SETDB1: variants seen among roughly 807,000 people sequenced by gnomAD.
SETDB1 encodes the protein histone-lysine N-methyltransferase SETDB1.
Under a neutral mutation model 137.4 loss-of-function variants are expected in SETDB1, and 31 were observed. That is an observed-to-expected ratio of 0.23 (90% CI 0.17 to 0.30). The LOEUF is 0.30. Ranked by LOEUF, SETDB1 falls within the 10% of genes least tolerant of loss-of-function variation. SETDB1 has a pLI of 1.00. For synonymous variants in SETDB1, 548 were observed against 579.9 expected (o/e 0.95, Z 0.79); for missense variants, 1,113 against 1,631.5 (o/e 0.68, Z 5.47).
intron 3 of SETDB1, among the ~76,000 whole-genome samples, chr1:150,937,078 T>C (rs943800418): frequency 6.6e-6 from 1 of 151,780 alleles, no homozygotes; most frequent in Non-Finnish European, 1.5e-5. Flanking sequence ...TGAGCCAAGA[T>C]TGGGCCACCG....
At chr1:150,946,078 G>C (rs2102703547) in intron 9 of SETDB1, among the ~76,000 whole-genome samples, 1 of 152,200 alleles carries the variant, frequency 6.6e-6, no homozygotes. Flanking sequence ...GGAGTGCAGT[G>C]GTGCAATCAC....
Position 150,931,451 on chromosome 1 carries a change from G to A in SETDB1, c.412+1333G>A, listed in dbSNP as rs12086681. ...ATACAAAAAATTAGCTGGGCGTGGC[G>A]GCGGACGCCTGTAGTCCCAGCTACT... On this transcript the variant is annotated intron_variant, in intron 3 of 21. Transcript: ENST00000692827. Among the ~76,000 whole-genome samples the A allele has an allele frequency of 6.2e-4, 93 of 150,970 alleles. 1 individual carries two copies. Among genetic ancestry groups the A allele is most frequent in the African/African-American group, 2.1e-3 (85 of 41,294 alleles).
chr1:150,952,838 G>A (rs750919418), intron 14 of SETDB1, among the ~76,000 whole-genome samples: 38 of 152,160 alleles, frequency 2.5e-4, no homozygotes, highest in Non-Finnish European at 5.0e-4. Context: ...GGTGAGCTAA[G>A]ATCGCACCAT....
At chr1:150,939,457 T>C (rs775504822) in intron 3 of SETDB1, among the ~76,000 whole-genome samples, 1 of 152,082 alleles carries the variant, frequency 6.6e-6, no homozygotes, top group Non-Finnish European at 1.5e-5. Context: ...CCCAAGTAGC[T>C]GGGATTACAG....
chr1:150,943,312 A>G (rs1462110385), intron 7 of SETDB1, among the ~76,000 whole-genome samples: 1 of 152,200 alleles, frequency 6.6e-6, no homozygotes, highest in Non-Finnish European at 1.5e-5. Flanking sequence ...GGGGAATACA[A>G]TTCACACAGA....
chr1:150,933,317 C>T (rs771974473), intron 3 of SETDB1, among the ~76,000 whole-genome samples: 1 of 151,540 alleles, frequency 6.6e-6, no homozygotes, highest in African/African-American at 2.4e-5. Flanking sequence ...GCCTTGGCCT[C>T]CCAAGGTGCT....
At position 150,946,986 on chromosome 1, in the gene SETDB1, G is replaced by A; in HGVS notation, c.1241G>A (p.Gly414Glu). Reference protein sequence around the residue: ...SSASALEKKQGQLRTRPNMGA... With the variant: ...SSASALEKKQEQLRTRPNMGA... The stretch of plus-strand genomic sequence containing the variant: ...GCCTCTGCACTGGAGAAGAAGCAAG[G>A]ACAGCTCAGGACACGTCCAAATATG... Residue 414 changes from glycine to glutamate, a missense_variant, in exon 10 of 22, where the codon GGA (glycine) becomes GAA (glutamate). Gly to Glu is a moderately conservative substitution (Grantham distance 98, BLOSUM62 -2). This residue lies in a region of SETDB1 where 154 missense variants were observed against 303.1 expected (regional missense o/e 0.51). Transcript: ENST00000692827. 1.2e-6 allele frequency: 2 copies of A among 1,614,112 alleles called. No homozygotes were observed. The highest frequency in any genetic ancestry group is 8.5e-7 in the Non-Finnish European group (1 of 1,179,990).
At chr1:150,931,726 C>CAA (rs10691133) in intron 3 of SETDB1, among the ~76,000 whole-genome samples, 21,895 of 72,284 alleles carry the variant, frequency 0.3, 2,954 homozygotes, top group South Asian at 0.44. Flanking sequence ...CTGTCTCACC[C>CAA]AAAAAAAAAA....
chr1:150,951,185 C>T (rs1571650644), intron 13 of SETDB1, 95 bp downstream of exon 13: 2 of 1,374,534 alleles, frequency 1.5e-6, no homozygotes, highest in East Asian at 4.6e-5. Flanking sequence ...CTGCTTTCCC[C>T]ATCTTCCTTT....
At position 150,935,430 on chromosome 1, in the gene SETDB1, T is replaced by G. The variant is rs1669915748; in HGVS notation, c.413-4510T>G. Among the ~76,000 whole-genome samples the G allele has an allele frequency of 2.6e-5, 4 of 152,134 alleles. No homozygotes were observed. In the South Asian group the frequency reaches 8.3e-4, roughly 31 times the overall value. On this transcript the variant is annotated intron_variant, in intron 3 of 21. Coordinates refer to ENST00000692827, the MANE Select transcript of SETDB1 (RefSeq NM_001366418.1). ...TCATCTGTTATTTCTTCATGGTTTT[T>G]TTTTTCTGTTCCCTTTTGTCTCTCC...
intron 14 of SETDB1, among the ~76,000 whole-genome samples, chr1:150,957,290 C>G (rs1258296118): frequency 6.6e-6 from 1 of 152,102 alleles, no homozygotes; most frequent in Admixed American, 6.6e-5. Flanking sequence ...ATCGCTTGAA[C>G]CCAGGAAGCG....
In SETDB1 at chr1:150,943,978, C is replaced by T. The variant is rs1195596229; in HGVS notation, c.934C>T (p.Pro312Ser). ...CTATGTCACACAGTCGGAACTGTATCCCATTTGCCGGCCACGTGAGTGTTT... is the reference window on the plus strand; with the variant it reads ...CTATGTCACACAGTCGGAACTGTATTCCATTTGCCGGCCACGTGAGTGTTT... Reference protein sequence around the residue: ...ASYVTQSELYPICRPLKKTWE... With the variant: ...ASYVTQSELYSICRPLKKTWE... The change falls in exon 8 of 22, where the codon CCC (proline) becomes TCC (serine). Residue 312 changes from proline (P) to serine (S), a missense_variant. Physicochemically the swap from Pro to Ser is moderately conservative, Grantham distance 74 (BLOSUM62 -1). Transcript: ENST00000692827. 1.9e-6 allele frequency: 3 copies of T among 1,612,076 alleles called. No homozygotes were observed. Among genetic ancestry groups the T allele is most frequent in the Non-Finnish European group, 2.5e-6 (3 of 1,178,136 alleles).
At chr1:150,930,681 T>C (rs1159371955) in intron 3 of SETDB1, among the ~76,000 whole-genome samples, 2 of 151,642 alleles carry the variant, frequency 1.3e-5, no homozygotes, top group Non-Finnish European at 2.9e-5. Flanking sequence ...GCAAACCCCC[T>C]GCCCCACCAC....
At chr1:150,948,885 A>G (rs1381727635) in intron 10 of SETDB1, among the ~76,000 whole-genome samples, 1 of 151,504 alleles carries the variant, frequency 6.6e-6, no homozygotes, top group East Asian at 1.9e-4. Flanking sequence ...TGCCCATCTA[A>G]TTTTTGTATT....
chr1:150,940,865 G>A (rs1670118838), intron 4 of SETDB1, among the ~76,000 whole-genome samples: 1 of 152,154 alleles, frequency 6.6e-6, no homozygotes, highest in Admixed American at 6.6e-5. Context: ...GGGCATGGTG[G>A]CACGTGCCTG....
intron 14 of SETDB1, among the ~76,000 whole-genome samples, chr1:150,952,058 G>T (rs587757235): frequency 6.6e-6 from 1 of 152,038 alleles, no homozygotes; most frequent in East Asian, 1.9e-4. Flanking sequence ...TGAGGCAGGA[G>T]AATCGCTTGA....
In SETDB1 at chr1:150,950,865, A is replaced by G. The variant is rs1330216951; in HGVS notation, c.1991A>G (p.Tyr664Cys). 6.2e-7 allele frequency: 1 copy of G among 1,613,956 alleles called. No individual in the cohort carries two copies. The change falls in exon 13 of 22, where the codon TAT (tyrosine) becomes TGT (cysteine). Residue 664 changes from tyrosine (Y) to cysteine (C), a missense_variant. By Grantham distance (194) the Tyr-to-Cys change is radical. Transcript: ENST00000692827. ...LFLEMFCLDPYVLVDRKFQPY... is the reference protein window; with the variant it reads ...LFLEMFCLDPCVLVDRKFQPY... ...CTGGAGATGTTCTGTTTGGATCCAT[A>G]TGTTCTTGTGGACCGAAAGTTTCAG...
chr1:150,936,442 A>G (rs1310579209), intron 3 of SETDB1, among the ~76,000 whole-genome samples: 1 of 152,188 alleles, frequency 6.6e-6, no homozygotes, highest in Non-Finnish European at 1.5e-5. Flanking sequence ...TGACTTCTTC[A>G]ACATTGTGTT....
Position 150,949,115 on chromosome 1 carries a change from C to T in SETDB1, c.1268-7C>T, listed in dbSNP as rs1362219510. 1 of 1,609,118 alleles carries T rather than the reference C, an allele frequency of 6.2e-7. No homozygotes were observed. Among genetic ancestry groups the T allele is most frequent in the Admixed American group, 1.7e-5 (1 of 59,056 alleles). On this transcript the variant is annotated splice_polypyrimidine_tract_variant and splice_region_variant and intron_variant, in intron 10 of 21. Transcript: ENST00000692827. ...CTTCTCAGTGCTCAATTTCCTTTTT[C>T]CTATAGGTGCTGTGAGGAGCAAAGG...
Sources: gnomAD v4.1 joint callset for allele counts (sites outside exome capture counted in the v4.1 genomes callset) on GRCh38, gnomAD v4.1.1 for gene constraint, gnomAD v4.1.1 regional missense constraint, MANE v1.5 for transcripts, NCBI Gene and HGNC (gene_info 2026-07-23, HGNC 2026-07-21) for gene names.